The following TACC1 variants were observed in gnomAD, a reference collection of about 807,000 sequenced individuals.
TACC1 encodes the protein transforming acidic coiled-coil containing protein 1, also known as transforming acidic coiled-coil-containing protein 1.
A neutral mutation model predicts 84.4 loss-of-function variants in TACC1; 48 were observed. The observed-to-expected ratio is 0.57, with a 90% confidence interval of 0.45 to 0.72. The LOEUF is 0.72. Ranked by LOEUF, TACC1 falls within the 30% of genes least tolerant of loss-of-function variation. TACC1 has a pLI of 0.00. For synonymous variants in TACC1, 372 were observed against 376.3 expected (o/e 0.99, Z 0.13); for missense variants, 920 against 973.0 (o/e 0.95, Z 0.72).
chr8:38,763,846 C>T (rs1385948945), intron 3 of TACC1, among the ~76,000 whole-genome samples: 1 of 152,098 alleles, frequency 6.6e-6, no homozygotes, highest in Non-Finnish European at 1.5e-5. Flanking sequence ...GGTTGGTTAT[C>T]ATTTTTGCTC....
At chr8:38,766,072 A>G (rs2053238380) in intron 3 of TACC1, among the ~76,000 whole-genome samples, 2 of 152,214 alleles carry the variant, frequency 1.3e-5, no homozygotes, top group Admixed American at 1.3e-4. Flanking sequence ...AAACAGATTT[A>G]ATATAAGGAA....
intron 3 of TACC1, among the ~76,000 whole-genome samples, chr8:38,750,750 A>G (rs1440344034): frequency 6.6e-6 from 1 of 152,246 alleles, no homozygotes; most frequent in Admixed American, 6.5e-5. Flanking sequence ...AAAGACATGT[A>G]TGACCTGTAG....
intron 3 of TACC1, among the ~76,000 whole-genome samples, chr8:38,751,277 C>T (rs1395265891): frequency 1.3e-5 from 2 of 152,166 alleles, no homozygotes; most frequent in Non-Finnish European, 2.9e-5. Context: ...ATTCAGCTCT[C>T]TAAAACTGAG....
intron 3 of TACC1, among the ~76,000 whole-genome samples, chr8:38,761,860 A>T (rs1392848064): frequency 4.6e-5 from 7 of 152,226 alleles, no homozygotes; most frequent in African/African-American, 1.7e-4. Flanking sequence ...ATGAAAAGGT[A>T]AAAGAATTAT....
upstream of TACC1, chr8:38,787,224 G>T (rs1185861263): frequency 2.4e-5 from 24 of 999,940 alleles, no homozygotes; most frequent in Non-Finnish European, 2.9e-5. Flanking sequence ...CGCCCCGCCG[G>T]CCGGGAGGCG....
intron 2 of TACC1, among the ~76,000 whole-genome samples, chr8:38,818,006 C>A (rs117488318): frequency 0.014 from 2,101 of 149,428 alleles, 30 homozygotes; most frequent in South Asian, 0.031. Flanking sequence ...CCAAGGCAGG[C>A]AGATTGCTTG....
intron 5 of TACC1, among the ~76,000 whole-genome samples, chr8:38,829,154 A>G (rs548188279): frequency 9.8e-5 from 15 of 152,334 alleles, no homozygotes; most frequent in Admixed American, 2.6e-4. Flanking sequence ...TTAAAAACTC[A>G]GATCTTCTTA....
At chr8:38,818,258 C>T (rs1236123754) in intron 2 of TACC1, among the ~76,000 whole-genome samples, 1 of 151,982 alleles carries the variant, frequency 6.6e-6, no homozygotes. Flanking sequence ...AAAACTATAG[C>T]TATGATATTC....
intron 6 of TACC1, among the ~76,000 whole-genome samples, chr8:38,835,002 C>T (rs1829944380): frequency 6.6e-6 from 1 of 152,052 alleles, no homozygotes; most frequent in African/African-American, 2.4e-5. Flanking sequence ...GCCTGTAATC[C>T]CAGCACTTTG....
intron 2 of TACC1, among the ~76,000 whole-genome samples, chr8:38,804,162 T>C (rs992874873): frequency 1.3e-5 from 2 of 152,242 alleles, no homozygotes; most frequent in African/African-American, 2.4e-5. Flanking sequence ...CTTTGAAGGC[T>C]ATATAAGTAT....
chr8:38,740,468 C>T (rs1487220319), intron 1 of TACC1, among the ~76,000 whole-genome samples: 1 of 152,160 alleles, frequency 6.6e-6, no homozygotes, highest in African/African-American at 2.4e-5. Flanking sequence ...CCAAATGTGG[C>T]TGTCTGCACC....
intron 2 of TACC1, among the ~76,000 whole-genome samples, chr8:38,804,777 T>A (rs1822273735): frequency 6.6e-6 from 1 of 152,176 alleles, no homozygotes. Flanking sequence ...TAATTTTTAA[T>A]TTTTTTGTAG....
At chr8:38,845,654 C>T (rs541547563) in intron 11 of TACC1, among the ~76,000 whole-genome samples, 7 of 152,320 alleles carry the variant, frequency 4.6e-5, no homozygotes, top group East Asian at 3.9e-4. Flanking sequence ...AACACTACAG[C>T]GAACATCCTG....
intron 2 of TACC1, among the ~76,000 whole-genome samples, chr8:38,798,384 G>A (rs550181416): frequency 6.6e-6 from 1 of 152,198 alleles, no homozygotes; most frequent in Non-Finnish European, 1.5e-5. Flanking sequence ...TTTACCAAGT[G>A]GTTTTCCAGA....
intron 2 of TACC1, among the ~76,000 whole-genome samples, chr8:38,812,308 C>T (rs1260029158): frequency 6.6e-6 from 1 of 152,134 alleles, no homozygotes; most frequent in South Asian, 2.1e-4. Context: ...CGTACACCCC[C>T]TCCCCTTTTG....
rs1327965999 is a variant in TACC1 at position 38,819,747 on chromosome 8, C to A, written c.503C>A (p.Thr168Lys). The A allele has an allele frequency of 6.2e-7, 1 of 1,614,080 alleles. No individual in the cohort carries two copies. The highest frequency in any genetic ancestry group is 8.5e-7 in the Non-Finnish European group (1 of 1,180,048). The part of the protein sequence containing the change: ...DSTDISAVLG[T>K]KAAHGCVTAV... ...ACGGATATCTCGGCAGTCCTCGGAA[C>A]AAAAGCAGCTCATGGCTGTGTAACT... The change falls in exon 3 of 13, where the codon ACA (threonine) becomes AAA (lysine). Residue 168 changes from threonine (T) to lysine (K), a missense_variant. Thr to Lys is a moderately conservative substitution (Grantham distance 78, BLOSUM62 -1). Around this residue, in one of 2 missense-constraint regions of TACC1, gnomAD observed 762 missense variants for 747.3 expected, o/e 1.02. Transcript: ENST00000317827.
In TACC1 at chr8:38,820,527, C is replaced by G; in HGVS notation, c.1283C>G (p.Pro428Arg). ...GATAACTTTGACGAATCCATGGATCCCTTTAAACCAACTACGACCTTAACA... is the reference window on the plus strand; with the variant it reads ...GATAACTTTGACGAATCCATGGATCGCTTTAAACCAACTACGACCTTAACA... ...DPDNFDESMD[P>R]FKPTTTLTSS... The change falls in exon 3 of 13, where the codon CCC (proline) becomes CGC (arginine). Residue 428 changes from proline to arginine, a missense_variant. By Grantham distance (103) the Pro-to-Arg change is moderately radical. Around this residue, in one of 2 missense-constraint regions of TACC1, gnomAD observed 762 missense variants for 747.3 expected, o/e 1.02. Coordinates refer to ENST00000317827, the MANE Select transcript of TACC1 (RefSeq NM_006283.3). 1 of 1,614,184 alleles carries G rather than the reference C, an allele frequency of 6.2e-7. No individual in the cohort carries two copies.
At chr8:38,844,246 C>G (rs1261163271) in intron 11 of TACC1, among the ~76,000 whole-genome samples, 9 of 152,084 alleles carry the variant, frequency 5.9e-5, no homozygotes, top group African/African-American at 1.9e-4. Context: ...AATCTAGGCT[C>G]ACTGCAACCT....
Position 38,848,963 on chromosome 8 carries a change from T to C in TACC1, c.*940T>C, listed in dbSNP as rs1458149118. ...AATCAACATTTAGTCTTCATTATCT[T>C]TTTTTTTTTTTTTGAGACAGAGTTT... On this transcript the variant is annotated 3_prime_UTR_variant, in exon 13 of 13. Coordinates refer to ENST00000317827, the MANE Select transcript of TACC1 (RefSeq NM_006283.3). 7.0e-6 allele frequency: 1 copy of C among 142,404 alleles called. No individual in the cohort carries two copies. The highest frequency in any genetic ancestry group is 1.5e-5 in the Non-Finnish European group (1 of 64,800). The allele number at this position is 142,404 out of a possible 1,614,324, so 8.8% of individuals were successfully genotyped here.
Sources: allele counts gnomAD v4.1 joint callset (sites outside exome capture counted in the v4.1 genomes callset), GRCh38; gene constraint gnomAD v4.1.1; regional missense constraint gnomAD v4.1.1; transcripts MANE v1.5; gene names NCBI Gene and HGNC (gene_info 2026-07-23, HGNC 2026-07-21).